Variants in NDUFS4 observed in about 807,000 individuals in gnomAD.
The protein encoded by NDUFS4 is NADH:ubiquinone oxidoreductase subunit S4.
NDUFS4 carries 28 observed loss-of-function variants against 24.3 expected under a neutral mutation model. The observed-to-expected ratio is 1.15, with a 90% confidence interval of 0.85 to 1.58. The LOEUF (loss-of-function observed/expected upper bound fraction) is 1.58, where lower values mean the gene tolerates loss of function less well. Among genes scored for constraint, NDUFS4 ranks in the 40% most tolerant of loss-of-function variants. NDUFS4 has a pLI of 0.00. For synonymous variants in NDUFS4, 93 were observed against 69.7 expected (o/e 1.34, Z -1.67); for missense variants, 223 against 207.9 (o/e 1.07, Z -0.45).
At chr5:53,568,957 T>C (rs1252659089) in intron 1 of NDUFS4, among the ~76,000 whole-genome samples, 1 of 152,200 alleles carries the variant, frequency 6.6e-6, no homozygotes, top group Non-Finnish European at 1.5e-5. Context: ...TTTCCTTTAT[T>C]CAGCCACTTC....
At chr5:53,574,477 A>C (rs1294725409) in intron 1 of NDUFS4, among the ~76,000 whole-genome samples, 1 of 152,156 alleles carries the variant, frequency 6.6e-6, no homozygotes, top group Non-Finnish European at 1.5e-5. Context: ...TACTTTGTTG[A>C]AGATTTTTAC....
Position 53,683,180 on chromosome 5 carries a change from A to G in NDUFS4, c.487A>G (p.Asn163Asp), listed in dbSNP as rs371127738. 5.5e-5 allele frequency: 89 copies of G among 1,612,394 alleles called. 1 individual carries two copies. The South Asian group carries it at 8.7e-4, about 16-fold the overall frequency. ...PKPKSKSYGANFSWNKRTRVS... is the reference protein window; with the variant it reads ...PKPKSKSYGADFSWNKRTRVS... Reference sequence around the variant, plus strand: ...ACCCAAGTCCAAGTCTTATGGTGCAAACTTTTCTTGGAACAAAAGAACAAG... The same window carrying G: ...ACCCAAGTCCAAGTCTTATGGTGCAGACTTTTCTTGGAACAAAAGAACAAG... Residue 163 changes from asparagine (N) to aspartate (D), a missense_variant, in exon 5 of 5, where the codon AAC becomes GAC. Coordinates refer to ENST00000296684, the MANE Select transcript of NDUFS4 (RefSeq NM_002495.4).
intron 3 of NDUFS4, among the ~76,000 whole-genome samples, chr5:53,653,573 A>G (rs1321170399): frequency 6.6e-6 from 1 of 152,090 alleles, no homozygotes; most frequent in Non-Finnish European, 1.5e-5. Flanking sequence ...TAAACTATAG[A>G]TACATGTTTC....
chr5:53,629,373 G>A (rs904869292), intron 2 of NDUFS4, among the ~76,000 whole-genome samples: 5 of 152,134 alleles, frequency 3.3e-5, no homozygotes, highest in African/African-American at 1.2e-4. Flanking sequence ...GGGGTGGGGA[G>A]TTCTGTAGAT....
chr5:53,598,601 C>G (rs758552865), intron 1 of NDUFS4, among the ~76,000 whole-genome samples: 9 of 151,882 alleles, frequency 5.9e-5, no homozygotes, highest in Non-Finnish European at 1.2e-4. Flanking sequence ...TCATCTACAG[C>G]AAAAGATGTT....
intron 2 of NDUFS4, among the ~76,000 whole-genome samples, chr5:53,638,820 T>G (rs1185918560): frequency 2.6e-5 from 4 of 152,126 alleles, no homozygotes; most frequent in African/African-American, 9.6e-5. Context: ...AACTTTGTCA[T>G]TTTAACAGAG....
In NDUFS4 at chr5:53,569,629, C is replaced by T. The variant is rs537342194; in HGVS notation, c.98+8869C>T. 3.9e-4 allele frequency among the ~76,000 whole-genome samples: 59 copies of T among 152,188 alleles called. No homozygotes were observed. In the South Asian group the frequency reaches 0.012, roughly 31 times the overall value. On this transcript the variant is annotated intron_variant, in intron 1 of 4. Transcript: ENST00000296684. ...TGATAACCCCAGAAAACACACTATA[C>T]GTTTAGACTTACTGGTAAGTGATGT...
At chr5:53,661,203 T>G (rs1156620259) in intron 4 of NDUFS4, among the ~76,000 whole-genome samples, 2 of 152,226 alleles carry the variant, frequency 1.3e-5, no homozygotes, top group African/African-American at 2.4e-5. Flanking sequence ...GGATCCAGTT[T>G]CAGCTTTCTA....
intron 2 of NDUFS4, among the ~76,000 whole-genome samples, chr5:53,614,664 G>A (rs1203360615): frequency 6.6e-6 from 1 of 151,996 alleles, no homozygotes; most frequent in Non-Finnish European, 1.5e-5. Flanking sequence ...GCATAGACCT[G>A]TAGTATGCTA....
intron 2 of NDUFS4, among the ~76,000 whole-genome samples, chr5:53,620,139 A>G (rs1349379437): frequency 6.6e-6 from 1 of 152,030 alleles, no homozygotes; most frequent in Non-Finnish European, 1.5e-5. Flanking sequence ...AAAAAAAAGT[A>G]TCAACATTTT....
At chr5:53,616,215 CAATT>C (rs1459843408) in intron 2 of NDUFS4, among the ~76,000 whole-genome samples, 1 of 138,430 alleles carries the variant, frequency 7.2e-6, no homozygotes, top group East Asian at 2.0e-4. Flanking sequence ...TTCATTCATT[CAATT>C]TTTTTTTTTT....
rs549000414 is a variant in NDUFS4, at chr5:53,595,400, CAT to C, written c.99-8051_99-8050del. 1.3e-4 allele frequency among the ~76,000 whole-genome samples: 20 copies of C among 152,176 alleles called. No homozygotes were observed. The South Asian group carries it at 3.9e-3, about 30-fold the overall frequency. On this transcript the variant is annotated intron_variant, in intron 1 of 4. Coordinates refer to ENST00000296684, the MANE Select transcript of NDUFS4 (RefSeq NM_002495.4). ...CAAAGGATAGCAACACAGTTTCTTCCATTAAGGCATTCCAAGCCAGTAGACGT... is the reference window on the plus strand; with the variant it reads ...CAAAGGATAGCAACACAGTTTCTTCCTAAGGCATTCCAAGCCAGTAGACGT...
chr5:53,579,731 A>AG (rs1330689020), intron 1 of NDUFS4, among the ~76,000 whole-genome samples: 1 of 152,090 alleles, frequency 6.6e-6, no homozygotes, highest in Non-Finnish European at 1.5e-5. Context: ...AATAAAAGGG[A>AG]GGGGAGGCTT....
intron 4 of NDUFS4, among the ~76,000 whole-genome samples, chr5:53,674,201 A>T (rs1740379604): frequency 1.3e-5 from 2 of 152,246 alleles, no homozygotes; most frequent in African/African-American, 4.8e-5. Flanking sequence ...GTGTGGAAAT[A>T]TGACTGGATA....
At chr5:53,652,846 A>G (rs1422381290) in intron 3 of NDUFS4, among the ~76,000 whole-genome samples, 1 of 152,132 alleles carries the variant, frequency 6.6e-6, no homozygotes, top group African/African-American at 2.4e-5. Context: ...TTACTTTTTA[A>G]ATCTCCTTGA....
chr5:53,610,631 C>G (rs1439998019), intron 2 of NDUFS4, among the ~76,000 whole-genome samples: 2 of 152,048 alleles, frequency 1.3e-5, no homozygotes, highest in East Asian at 3.8e-4. Context: ...CTTTTATAAA[C>G]AAAACCTTGG....
At chr5:53,673,605 G>A (rs926000694) in intron 4 of NDUFS4, among the ~76,000 whole-genome samples, 2 of 152,000 alleles carry the variant, frequency 1.3e-5, no homozygotes, top group African/African-American at 4.8e-5. Context: ...TCTCTTTCTG[G>A]CACAATCAGT....
intron 1 of NDUFS4, among the ~76,000 whole-genome samples, chr5:53,600,845 A>G (rs1750290372): frequency 6.6e-6 from 1 of 151,902 alleles, no homozygotes. Context: ...AATTAAAATC[A>G]CTCTTTGCAA....
chr5:53,681,655 T>C (rs1245076674), intron 4 of NDUFS4, among the ~76,000 whole-genome samples: 1 of 152,144 alleles, frequency 6.6e-6, no homozygotes, highest in Non-Finnish European at 1.5e-5. Flanking sequence ...GTTGAACAAG[T>C]AAATTAATAT....
Sources: allele counts gnomAD v4.1 joint callset (sites outside exome capture counted in the v4.1 genomes callset), GRCh38; gene constraint gnomAD v4.1.1; transcripts MANE v1.5; gene names NCBI Gene and HGNC (gene_info 2026-07-23, HGNC 2026-07-21).